The following CACNA2D3 variants were observed in gnomAD, a reference collection of about 807,000 sequenced individuals.
CACNA2D3 encodes voltage-dependent calcium channel subunit alpha-2/delta-3.
CACNA2D3 carries 60 observed loss-of-function variants against 160.6 expected under a neutral mutation model. That is an observed-to-expected ratio of 0.37 (90% confidence interval 0.30 to 0.46). The LOEUF (loss-of-function observed/expected upper bound fraction) is 0.46, where lower values mean the gene tolerates loss of function less well. Among genes scored for constraint, CACNA2D3 ranks in the 20% least tolerant of loss-of-function variants. CACNA2D3 has a pLI of 1.00. For missense variants in CACNA2D3, 1,205 were observed against 1,365.0 expected (o/e 0.88, Z 1.85); for synonymous variants, 558 against 492.9 (o/e 1.13, Z -1.75).
intron 13 of CACNA2D3, among the ~76,000 whole-genome samples, chr3:54,795,323 T>C (rs751542316): frequency 2.6e-5 from 4 of 152,240 alleles, no homozygotes; most frequent in African/African-American, 7.2e-5. Context: ...AGTCTTTTAT[T>C]AAATTTTAGC....
intron 4 of CACNA2D3, among the ~76,000 whole-genome samples, chr3:54,416,077 A>G (rs1057311948): frequency 1.3e-5 from 2 of 152,238 alleles, no homozygotes; most frequent in African/African-American, 4.8e-5. Flanking sequence ...CTTTATTATT[A>G]TTACAGATGT....
chr3:54,866,116 G>A (rs1699396098), intron 17 of CACNA2D3, among the ~76,000 whole-genome samples: 1 of 152,216 alleles, frequency 6.6e-6, no homozygotes, highest in Non-Finnish European at 1.5e-5. Flanking sequence ...CTCCCTGGGT[G>A]CTTTTCCATG....
At chr3:54,658,702 C>T (rs970659859) in intron 11 of CACNA2D3, among the ~76,000 whole-genome samples, 6 of 152,138 alleles carry the variant, frequency 3.9e-5, no homozygotes, top group African/African-American at 7.2e-5. Context: ...ATACAATCAG[C>T]AGAGTAAAGA....
At chr3:54,768,994 C>T (rs929500335) in intron 13 of CACNA2D3, among the ~76,000 whole-genome samples, 3 of 152,044 alleles carry the variant, frequency 2.0e-5, no homozygotes, top group Admixed American at 6.6e-5. Context: ...TTAGGTCTGC[C>T]GGGTGAAGAG....
At chr3:54,464,542 A>G (rs1439193554) in intron 4 of CACNA2D3, among the ~76,000 whole-genome samples, 4 of 152,186 alleles carry the variant, frequency 2.6e-5, no homozygotes, top group East Asian at 3.9e-4. Flanking sequence ...TGTGCTAGCA[A>G]TCAGCAAGAC....
chr3:54,178,623 G>T (rs1700719534), intron 2 of CACNA2D3, among the ~76,000 whole-genome samples: 1 of 152,202 alleles, frequency 6.6e-6, no homozygotes, highest in Non-Finnish European at 1.5e-5. Flanking sequence ...TATGAAATTG[G>T]CTTTATGCTT....
intron 4 of CACNA2D3, among the ~76,000 whole-genome samples, chr3:54,494,809 C>T (rs757116430): frequency 1.3e-5 from 2 of 152,030 alleles, no homozygotes; most frequent in African/African-American, 2.4e-5. Context: ...GCAGGCCTGT[C>T]TTACATGGCG....
intron 4 of CACNA2D3, among the ~76,000 whole-genome samples, chr3:54,457,402 C>G (rs1700418434): frequency 6.6e-6 from 1 of 151,992 alleles, no homozygotes; most frequent in African/African-American, 2.4e-5. Context: ...AGTTTTATTA[C>G]ATTGTCATTA....
At chr3:54,720,179 T>C (rs75260879) in intron 11 of CACNA2D3, among the ~76,000 whole-genome samples, 3,303 of 152,122 alleles carry the variant, frequency 0.022, 69 homozygotes, top group Non-Finnish European at 0.03. Context: ...GGGGTTAAAT[T>C]TGACCTTTTT....
intron 27 of CACNA2D3, among the ~76,000 whole-genome samples, chr3:54,934,624 C>T (rs75503287): frequency 0.014 from 2,175 of 152,236 alleles, 41 homozygotes; most frequent in African/African-American, 0.049. Flanking sequence ...TCAGCATCCA[C>T]GTGTCCACAG....
At chr3:54,854,923 T>TA (rs1298441923) in intron 17 of CACNA2D3, among the ~76,000 whole-genome samples, 1 of 152,214 alleles carries the variant, frequency 6.6e-6, no homozygotes, top group African/African-American at 2.4e-5. Context: ...ATAGTTCTTC[T>TA]GGGTCCCTCT....
In CACNA2D3 at chr3:55,034,270, G is replaced by A. The variant is rs1703765693; in HGVS notation, c.2987+15953G>A. Among the ~76,000 whole-genome samples the A allele has an allele frequency of 2.0e-5, 3 of 151,930 alleles. No homozygotes were observed. The South Asian group carries it at 6.2e-4, about 32-fold the overall frequency. The stretch of plus-strand genomic sequence containing the variant: ...GATAGATGAAAGATGGAATATCATT[G>A]TTGTCTTAACTTTTCTTTTTATGAT... On this transcript the variant is annotated intron_variant, in intron 35 of 37. Coordinates refer to ENST00000474759, the MANE Select transcript of CACNA2D3 (RefSeq NM_018398.3).
rs1005727612 is a variant in CACNA2D3 at position 54,847,706 on chromosome 3, A to C, written c.1626+1239A>C. Among the ~76,000 whole-genome samples the C allele has an allele frequency of 3.3e-5, 5 of 152,356 alleles. 1 individual carries two copies. The South Asian group carries it at 1.0e-3, about 32-fold the overall frequency. The stretch of plus-strand genomic sequence containing the variant: ...TGAATTAACTAGTTGGCTAATTCCA[A>C]ATGTAACTCAGAATTATTGAAAAGT... On this transcript the variant is annotated intron_variant, in intron 17 of 37. Coordinates refer to ENST00000474759, the MANE Select transcript of CACNA2D3 (RefSeq NM_018398.3).
At chr3:54,338,745 C>T (rs1704452021) in intron 3 of CACNA2D3, among the ~76,000 whole-genome samples, 1 of 152,126 alleles carries the variant, frequency 6.6e-6, no homozygotes, top group African/African-American at 2.4e-5. Flanking sequence ...TAGGGAAGGT[C>T]ATTTCTGTCT....
In CACNA2D3 at chr3:54,880,856, C is replaced by A; in HGVS notation, c.1905C>A (p.Ile635=). 6.2e-7 allele frequency: 1 copy of A among 1,613,488 alleles called. No individual in the cohort carries two copies. Among genetic ancestry groups the A allele is most frequent in the South Asian group, 1.1e-5 (1 of 91,070 alleles). ...ATTTCTTCCGAGGGAATGTAACCAT[C>A]GAAGAAGGTAAGATACTGCCTGGCT... is the stretch of plus-strand genomic sequence containing the variant. The part of the protein sequence containing the change: ...GKYFFRGNVT[I]EEGLHDLEHP... Residue 635 remains isoleucine (I), a synonymous_variant, in exon 21 of 38, where the codon ATC becomes ATA. Transcript: ENST00000474759.
At chr3:54,953,379 G>A (rs1391662479) in intron 27 of CACNA2D3, among the ~76,000 whole-genome samples, 1 of 152,114 alleles carries the variant, frequency 6.6e-6, no homozygotes, top group Non-Finnish European at 1.5e-5. Context: ...AAAGTGGTGG[G>A]GCCCGGTAAC....
chr3:54,565,212 C>T (rs1702389576), intron 6 of CACNA2D3, among the ~76,000 whole-genome samples: 1 of 152,200 alleles, frequency 6.6e-6, no homozygotes, highest in Admixed American at 6.5e-5. Flanking sequence ...TTTGCCTAGA[C>T]TGCATCCCCA....
chr3:55,072,215 A>G (rs995909244), intron 35 of CACNA2D3, among the ~76,000 whole-genome samples: 1 of 152,224 alleles, frequency 6.6e-6, no homozygotes, highest in Non-Finnish European at 1.5e-5. Context: ...CATTGAGGAA[A>G]CATCTTTGCA....
chr3:54,135,125 A>G (rs1022441419), intron 2 of CACNA2D3, among the ~76,000 whole-genome samples: 1 of 152,156 alleles, frequency 6.6e-6, no homozygotes, highest in African/African-American at 2.4e-5. Context: ...CCCTGCCAGC[A>G]TCAAGATGTG....
Sources: gnomAD v4.1 joint callset for allele counts (sites outside exome capture counted in the v4.1 genomes callset) on GRCh38, gnomAD v4.1.1 for gene constraint, MANE v1.5 for transcripts, NCBI Gene and HGNC (gene_info 2026-07-23, HGNC 2026-07-21) for gene names.